Variants in MTARC1 observed in about 807,000 individuals in gnomAD.
The protein encoded by MTARC1 is mitochondrial amidoxime-reducing component 1.
MTARC1 carries 24 observed loss-of-function variants against 33.6 expected under a neutral mutation model. That is an observed-to-expected ratio of 0.72 (90% CI 0.52 to 1.01). MTARC1 has a LOEUF of 1.01. Among genes scored for constraint, MTARC1 ranks in the 50% least tolerant of loss-of-function variants. The pLI is 0.00. For missense variants in MTARC1, 417 were observed against 445.7 expected (o/e 0.94, Z 0.58); for synonymous variants, 187 against 189.5 (o/e 0.99, Z 0.11).
At position 220,817,219 on chromosome 1, in the gene MTARC1, C is replaced by A. The variant is rs10863567; in HGVS notation, c.*3801C>A. On this transcript the variant is annotated 3_prime_UTR_variant, in exon 7 of 7. Transcript: ENST00000366910. ...GTTCAAGCAATTCTTCTGCCTCAGC[C>A]TCCCGAGTAGCTGGTGTGTCTGGAG... 0.29 allele frequency: 45,510 copies of A among 156,064 alleles called. 6,655 individuals carry two copies. Among genetic ancestry groups the A allele is most frequent in the Admixed American group, 0.31 (4,817 of 15,356 alleles). The allele number at this position is 156,064 out of a possible 1,614,324, so 9.7% of individuals were successfully genotyped here.
chr1:220,810,479 C>G (rs1211656079), intron 6 of MTARC1, among the ~76,000 whole-genome samples: 2 of 151,530 alleles, frequency 1.3e-5, no homozygotes, highest in Non-Finnish European at 2.9e-5. Flanking sequence ...TTTTCCACTC[C>G]CATAGCTCTT....
At chr1:220,788,293 G>A (rs532118084) in intron 1 of MTARC1, among the ~76,000 whole-genome samples, 95 of 152,284 alleles carry the variant, frequency 6.2e-4, no homozygotes, top group African/African-American at 2.2e-3. Context: ...CTGGCTTCAG[G>A]CCAGCCTCGG....
At chr1:220,809,955 A>C (rs1418934108) in intron 6 of MTARC1, among the ~76,000 whole-genome samples, 1 of 152,222 alleles carries the variant, frequency 6.6e-6, no homozygotes, top group African/African-American at 2.4e-5. Flanking sequence ...TGAATGCGTA[A>C]ACCAGGCAGG....
intron 6 of MTARC1, among the ~76,000 whole-genome samples, chr1:220,809,321 A>G (rs991815097): frequency 1.3e-5 from 2 of 152,172 alleles, no homozygotes; most frequent in African/African-American, 4.8e-5. Context: ...ATTGAGAGTC[A>G]CTGTTTATAA....
At chr1:220,802,261 G>A (rs1369186368) in intron 4 of MTARC1, among the ~76,000 whole-genome samples, 1 of 152,096 alleles carries the variant, frequency 6.6e-6, no homozygotes. Flanking sequence ...CTCTTTGTTG[G>A]TTGACAGAGA....
At chr1:220,800,920 G>A (rs1256228233) in intron 4 of MTARC1, among the ~76,000 whole-genome samples, 2 of 151,682 alleles carry the variant, frequency 1.3e-5, no homozygotes, top group Non-Finnish European at 2.9e-5. Flanking sequence ...CTCTCTGCCC[G>A]GATGCAGTCA....
In MTARC1 at chr1:220,791,510, C is replaced by G; in HGVS notation, c.295C>G (p.Gln99Glu). 3 of 1,614,004 alleles carry G rather than the reference C, an allele frequency of 1.9e-6. No individual in the cohort carries two copies. The highest frequency in any genetic ancestry group is 3.3e-5 in the Admixed American group (2 of 60,016). ...CGGCAGGTTTTGGCTTGTGATCAAC[C>G]AGGAGGGAAACATGGTTACTGCTCG... ...LRDRFWLVIN[Q>E]EGNMVTARQE... Residue 99 changes from glutamine to glutamate, a missense_variant, in exon 2 of 7, where the codon CAG (glutamine) becomes GAG (glutamate). Transcript: ENST00000366910.
rs888837761 is a variant in MTARC1, at chr1:220,818,690, G to T, written c.*5272G>T. 6.6e-6 allele frequency: 1 copy of T among 152,078 alleles called. No homozygotes were observed. The highest frequency in any genetic ancestry group is 2.1e-4 in the South Asian group (1 of 4,820). The allele number at this position is 152,078 out of a possible 1,614,324, so 9.4% of individuals were successfully genotyped here. On this transcript the variant is annotated 3_prime_UTR_variant, in exon 7 of 7. Transcript: ENST00000366910. ...GGGAACTAAGTTAAGTCTAACTTTT[G>T]TCTCCCTCTTTAGAATTTACTGGGA...
Position 220,797,947 on chromosome 1 carries a change from A to G in MTARC1, c.686A>G (p.Glu229Gly), listed in dbSNP as rs762397909. 1.2e-6 allele frequency: 2 copies of G among 1,614,222 alleles called. No individual in the cohort carries two copies. The highest frequency in any genetic ancestry group is 3.3e-5 in the Admixed American group (2 of 60,028). ...CTGGCGGATCTCAACTCCAGGCTAG[A>G]GAAGAAAGTTAAAGCAACCAACTTC... ...ASLADLNSRL[E>G]KKVKATNFRP... Residue 229 changes from glutamate (E) to glycine (G), a missense_variant, in exon 4 of 7, where the codon GAG (glutamate) becomes GGG (glycine). Physicochemically the swap from Glu to Gly is moderately conservative, Grantham distance 98. Transcript: ENST00000366910.
chr1:220,797,885 A>G lies in MTARC1; in HGVS notation c.624A>G (p.Ser208=). Residue 208 remains serine (S), a synonymous_variant, in exon 4 of 7, where the codon TCA becomes TCG. Coordinates refer to ENST00000366910, the MANE Select transcript of MTARC1 (RefSeq NM_022746.4). ...TATTTCCTTATCAGATTGCTTACTC[A>G]GACACCAGCCCATTCTTGATCCTTT... ...LFRPKDQIAY[S]DTSPFLILSE... is the part of the protein sequence containing the mutation. 6.2e-7 allele frequency: 1 copy of G among 1,614,232 alleles called. No individual in the cohort carries two copies. Among genetic ancestry groups the G allele is most frequent in the South Asian group, 1.1e-5 (1 of 91,084 alleles).
At chr1:220,794,595 T>C (rs965051141) in intron 2 of MTARC1, among the ~76,000 whole-genome samples, 2 of 152,092 alleles carry the variant, frequency 1.3e-5, no homozygotes, top group African/African-American at 4.8e-5. Context: ...TAAGTAGATA[T>C]GATTAATACT....
At position 220,817,908 on chromosome 1, in the gene MTARC1, C is replaced by T. The variant is rs949490138; in HGVS notation, c.*4490C>T. On this transcript the variant is annotated 3_prime_UTR_variant, in exon 7 of 7. Coordinates refer to ENST00000366910, the MANE Select transcript of MTARC1 (RefSeq NM_022746.4). ...CTAGCTTTTCCTTTCTGTTGCAAGTCCTCTCAACTAGTGTTGCCTTCCACC... is the reference window on the plus strand; with the variant it reads ...CTAGCTTTTCCTTTCTGTTGCAAGTTCTCTCAACTAGTGTTGCCTTCCACC... 4 of 152,228 alleles carry T rather than the reference C, an allele frequency of 2.6e-5. No individual in the cohort carries two copies. The highest frequency in any genetic ancestry group is 6.6e-5 in the Admixed American group (1 of 15,262). The allele number at this position is 152,228 out of a possible 1,614,324, so 9.4% of individuals were successfully genotyped here.
At position 220,818,204 on chromosome 1, in the gene MTARC1, A is replaced by C. The variant is rs1000054294; in HGVS notation, c.*4786A>C. 1 of 152,206 alleles carries C rather than the reference A, an allele frequency of 6.6e-6. No homozygotes were observed. Among genetic ancestry groups the C allele is most frequent in the South Asian group, 2.1e-4 (1 of 4,834 alleles). The allele number at this position is 152,206 out of a possible 1,614,324, so 9.4% of individuals were successfully genotyped here. Reference sequence around the variant, plus strand: ...TCTGCTCTGACCACACTCTCTTCACAGGAAGAGGCTTGGGCCACAGCTCTG... The same window carrying C: ...TCTGCTCTGACCACACTCTCTTCACCGGAAGAGGCTTGGGCCACAGCTCTG... On this transcript the variant is annotated 3_prime_UTR_variant, in exon 7 of 7. Transcript: ENST00000366910.
intron 6 of MTARC1, among the ~76,000 whole-genome samples, chr1:220,807,727 G>A (rs538438055): frequency 1.3e-5 from 2 of 152,214 alleles, no homozygotes; most frequent in African/African-American, 4.8e-5. Context: ...ATTTTGGGGG[G>A]AAATGTCACT....
intron 6 of MTARC1, 113 bp from the exon 7 acceptor site, chr1:220,813,179 T>C (rs1199945334): frequency 1.4e-6 from 2 of 1,413,006 alleles, no homozygotes; most frequent in Admixed American, 1.7e-5. Flanking sequence ...TTTGACGGGA[T>C]GGTGCCCTCT....
chr1:220,792,503 A>C (rs1235889447), intron 2 of MTARC1, among the ~76,000 whole-genome samples: 1 of 152,234 alleles, frequency 6.6e-6, no homozygotes, highest in Non-Finnish European at 1.5e-5. Context: ...AACAACGTCT[A>C]AAGACCCAGA....
At chr1:220,797,266 T>A (rs1350013455) in intron 3 of MTARC1, among the ~76,000 whole-genome samples, 7 of 152,106 alleles carry the variant, frequency 4.6e-5, no homozygotes, top group Admixed American at 4.6e-4. Context: ...TACCATATAC[T>A]GCTTTTACCA....
intron 6 of MTARC1, chr1:220,808,999 G>T: frequency 2.2e-6 from 1 of 452,454 alleles, no homozygotes. Context: ...ACGTTTTGCT[G>T]GATGCACGAA....
chr1:220,790,876 A>G (rs1672398975), intron 1 of MTARC1: 1 of 152,150 alleles, frequency 6.6e-6, no homozygotes, highest in Non-Finnish European at 1.5e-5. Context: ...GTACCTGTAG[A>G]CCAGGAATAC....
Sources: allele counts gnomAD v4.1 joint callset (sites outside exome capture counted in the v4.1 genomes callset), GRCh38; gene constraint gnomAD v4.1.1; transcripts MANE v1.5; gene names NCBI Gene and HGNC (gene_info 2026-07-23, HGNC 2026-07-21).